MEIOB: variants seen among roughly 807,000 people sequenced by gnomAD.
MEIOB encodes the protein meiosis specific with OB-fold, also known as meiosis-specific with OB domain-containing protein.
Under a neutral mutation model 53.1 loss-of-function variants are expected in MEIOB, and 50 were observed. That is an observed-to-expected ratio of 0.94 (90% CI 0.75 to 1.19). MEIOB has a LOEUF of 1.19. MEIOB is among the 50% of genes most tolerant of loss of function. The pLI is 0.00. For synonymous variants in MEIOB, 192 were observed against 182.5 expected (o/e 1.05, Z -0.42); for missense variants, 551 against 550.8 (o/e 1.00, Z 0.00).
At position 1,869,527 on chromosome 16, in the gene MEIOB, A is replaced by G. The variant is rs568303189; in HGVS notation, c.-9-1343T>C. ...CAGTGGTGCAATCTCAGCTCACTGC[A>G]AGCTCCACCTCCTGGGTTCACGCCA... On this transcript the variant is annotated intron_variant, in intron 1 of 13. Coordinates refer to ENST00000325962, the MANE Select transcript of MEIOB (RefSeq NM_001163560.3). 2.6e-5 allele frequency among the ~76,000 whole-genome samples: 4 copies of G among 151,740 alleles called. No individual in the cohort carries two copies. The East Asian group carries it at 7.8e-4, about 29-fold the overall frequency.
intron 1 of MEIOB, among the ~76,000 whole-genome samples, chr16:1,869,548 C>T (rs1040958437): frequency 6.7e-6 from 1 of 150,202 alleles, no homozygotes; most frequent in Non-Finnish European, 1.5e-5. Context: ...CCTGGGTTCA[C>T]GCCATTCTCC....
At chr16:1,842,145 T>C (rs778834603) in intron 10 of MEIOB, among the ~76,000 whole-genome samples, 172 bp from the exon 11 acceptor site, 24 of 151,328 alleles carry the variant, frequency 1.6e-4, no homozygotes, top group Non-Finnish European at 3.4e-4. Context: ...AAGCAAAACA[T>C]AAGGAAAAAA....
chr16:1,865,525 ACG>A (rs1461062883), intron 3 of MEIOB, among the ~76,000 whole-genome samples: 2 of 47,248 alleles, frequency 4.2e-5, no homozygotes, highest in Non-Finnish European at 1.0e-4. Context: ...ACACATACAC[ACG>A]TGTGTGTATA....
At chr16:1,843,067 G>A (rs1898952733) in intron 10 of MEIOB, among the ~76,000 whole-genome samples, 1 of 150,992 alleles carries the variant, frequency 6.6e-6, no homozygotes, top group Non-Finnish European at 1.5e-5. Context: ...AGCCGAGGCA[G>A]GTGGATCACG....
In MEIOB at chr16:1,844,930, A is replaced by G; in HGVS notation, c.812T>C (p.Ile271Thr). 1 of 1,555,886 alleles carries G rather than the reference A, an allele frequency of 6.4e-7. No homozygotes were observed. The highest frequency in any genetic ancestry group is 8.8e-7 in the Non-Finnish European group (1 of 1,134,188). ...IPEANILLNF[I>T]RENKETNVLD... ...AACATTCGTTTCTTTATTTTCTCGT[A>G]TAAAATTCAGCAGAATGTTAGCTTC... Residue 271 changes from isoleucine (I) to threonine (T), a missense_variant, in exon 10 of 14, where the codon ATA becomes ACA. Transcript: ENST00000325962.
chr16:1,855,756 T>C (rs971909028), intron 6 of MEIOB, among the ~76,000 whole-genome samples: 2 of 152,188 alleles, frequency 1.3e-5, no homozygotes, highest in African/African-American at 2.4e-5. Context: ...AAGATGATCA[T>C]ATAGCGGGCT....
At chr16:1,855,453 A>G (rs1036248224) in intron 6 of MEIOB, among the ~76,000 whole-genome samples, 1 of 152,128 alleles carries the variant, frequency 6.6e-6, no homozygotes, top group Non-Finnish European at 1.5e-5. Context: ...AGAAAAAAAA[A>G]GTATGAAGAA....
chr16:1,856,358 CGCCCAGGCTGGAGT>C (rs1899304145), intron 6 of MEIOB, among the ~76,000 whole-genome samples: 1 of 151,180 alleles, frequency 6.6e-6, no homozygotes, highest in Admixed American at 6.6e-5. Flanking sequence ...CTCGCTCTGT[CGCCCAGGCTGGAGT>C]GCAGTGGCGC....
At position 1,872,141 on chromosome 16, in the gene MEIOB, G is replaced by T. The variant is rs1169888055; in HGVS notation, c.-158C>A. ...ACAGCCTCGTGCAGGTGCGACGGCCGCGCGACCGTTAGCGCGAGGCCCCGC... is the reference window on the plus strand; with the variant it reads ...ACAGCCTCGTGCAGGTGCGACGGCCTCGCGACCGTTAGCGCGAGGCCCCGC... On this transcript the variant is annotated 5_prime_UTR_variant, in exon 1 of 14. Transcript: ENST00000325962. 2.0e-5 allele frequency: 3 copies of T among 151,940 alleles called. No homozygotes were observed. The highest frequency in any genetic ancestry group is 7.2e-5 in the African/African-American group (3 of 41,398). 9.4% of individuals were successfully genotyped at this position (151,940 alleles called of 1,614,324 possible).
At chr16:1,865,668 C>T in intron 3 of MEIOB, 110 bp downstream of exon 3, 1 of 742,580 alleles carries the variant, frequency 1.3e-6, no homozygotes, top group Non-Finnish European at 2.2e-6. Context: ...ATGACCATTG[C>T]TCTTAAGGAG....
chr16:1,871,246 G>C (rs530294687), intron 1 of MEIOB, among the ~76,000 whole-genome samples: 18 of 148,666 alleles, frequency 1.2e-4, no homozygotes, highest in South Asian at 4.3e-4. Flanking sequence ...TTGAGACAGA[G>C]TCTTGCTCTG....
Position 1,860,492 on chromosome 16 carries a change from A to C in MEIOB, c.260-17T>G. 7.1e-7 allele frequency: 1 copy of C among 1,414,730 alleles called. No individual in the cohort carries two copies. Among genetic ancestry groups the C allele is most frequent in the Middle Eastern group, 1.7e-4 (1 of 5,746 alleles). 87.6% of individuals were successfully genotyped at this position (1,414,730 alleles called of 1,614,324 possible). A position where few individuals can be genotyped will look rare whatever the true frequency, so the allele number is the denominator to read the frequency against. ...CAATTATCACTAAAACAGAGGGCAAAGTATGATGATATTACAAAACAGTAA... is the reference window on the plus strand; with the variant it reads ...CAATTATCACTAAAACAGAGGGCAACGTATGATGATATTACAAAACAGTAA... On this transcript the variant is annotated splice_polypyrimidine_tract_variant and intron_variant, in intron 4 of 13. Transcript: ENST00000325962.
chr16:1,869,085 A>G (rs2150826506), intron 1 of MEIOB, among the ~76,000 whole-genome samples: 1 of 152,180 alleles, frequency 6.6e-6, no homozygotes, highest in African/African-American at 2.4e-5. Context: ...TTTGAGCACC[A>G]TGTAAATTTA....
chr16:1,842,018 A>C, intron 10 of MEIOB, 45 bp from the exon 11 acceptor site: 1 of 1,307,938 alleles, frequency 7.6e-7, no homozygotes, highest in Non-Finnish European at 1.0e-6. Flanking sequence ...TATTCTAAAA[A>C]ATATAAAAGG....
chr16:1,871,260 C>T (rs2150827765), intron 1 of MEIOB, among the ~76,000 whole-genome samples: 2 of 150,960 alleles, frequency 1.3e-5, no homozygotes, highest in South Asian at 4.2e-4. Flanking sequence ...TGCTCTGTCG[C>T]CCAGGCTGGA....
At chr16:1,844,404 G>A (rs564273170) in intron 10 of MEIOB, among the ~76,000 whole-genome samples, 5 of 151,494 alleles carry the variant, frequency 3.3e-5, no homozygotes, top group South Asian at 2.1e-4. Context: ...GATTACAGGC[G>A]TGAGCTACCA....
intron 9 of MEIOB, 73 bp downstream of exon 9, chr16:1,852,965 TA>T: frequency 1.1e-6 from 1 of 939,824 alleles, no homozygotes. Flanking sequence ...TTTTCATTCT[TA>T]AATATACTGT....
Position 1,865,731 on chromosome 16 carries a change from A to C in MEIOB, c.127+47T>G, listed in dbSNP as rs745795017. ...TTCAATATACTTTGTTGTAGTCATA[A>C]GCCAAAGTTGATGAAAAATGAAACC... is the stretch of plus-strand genomic sequence containing the variant. On this transcript the variant is annotated intron_variant, in intron 3 of 13. Coordinates refer to ENST00000325962, the MANE Select transcript of MEIOB (RefSeq NM_001163560.3). The C allele has an allele frequency of 2.2e-6, 3 of 1,393,164 alleles. No homozygotes were observed. The South Asian group carries it at 3.9e-5, about 18-fold the overall frequency. 86.3% of individuals were successfully genotyped at this position (1,393,164 alleles called of 1,614,324 possible).
Position 1,853,274 on chromosome 16 carries a change from G to C in MEIOB, c.630-3C>G. ...GTAGAATGGATTCATTATCCCAACT[G>C]CATTTGTTTAAAAAGAAGTAATACA... On this transcript the variant is annotated splice_region_variant and splice_polypyrimidine_tract_variant and intron_variant, in intron 7 of 13. Transcript: ENST00000325962. 1 of 1,544,766 alleles carries C rather than the reference G, an allele frequency of 6.5e-7. No individual in the cohort carries two copies.
Sources: allele counts gnomAD v4.1 joint callset (sites outside exome capture counted in the v4.1 genomes callset), GRCh38; gene constraint gnomAD v4.1.1; transcripts MANE v1.5; gene names NCBI Gene and HGNC (gene_info 2026-07-23, HGNC 2026-07-21).